TSC22D1: variants seen among roughly 807,000 people sequenced by gnomAD.
TSC22D1 encodes TSC22 domain family protein 1.
TSC22D1 carries 9 observed loss-of-function variants against 74.2 expected under a neutral mutation model. That is an observed-to-expected ratio of 0.12 (90% CI 0.07 to 0.21). The LOEUF (loss-of-function observed/expected upper bound fraction) is 0.21. Ranked by LOEUF, TSC22D1 falls within the 10% of genes least tolerant of loss-of-function variation. The pLI is 1.00. For synonymous variants in TSC22D1, 586 were observed against 492.5 expected (o/e 1.19, Z -2.51); for missense variants, 1,427 against 1,304.7 (o/e 1.09, Z -1.44).
intron 1 of TSC22D1, chr13:44,437,092 G>T: frequency 1.0e-6 from 1 of 976,660 alleles, no homozygotes; most frequent in Non-Finnish European, 1.2e-6. Flanking sequence ...TTTCCACGGC[G>T]GCCTCAAAAC....
chr13:44,527,874 A>G (rs1365523654), intron 1 of TSC22D1, among the ~76,000 whole-genome samples: 1 of 152,144 alleles, frequency 6.6e-6, no homozygotes, highest in East Asian at 1.9e-4. Flanking sequence ...TGCTATGCTA[A>G]CACTAATCAA....
At chr13:44,439,582 ATAC>A (rs1875022684) in intron 1 of TSC22D1, among the ~76,000 whole-genome samples, 1 of 152,252 alleles carries the variant, frequency 6.6e-6, no homozygotes, top group African/African-American at 2.4e-5. Context: ...GCAGAGAAAA[ATAC>A]TACAAGGCTT....
intron 1 of TSC22D1, among the ~76,000 whole-genome samples, chr13:44,462,276 G>T (rs925670294): frequency 1.9e-4 from 29 of 152,134 alleles, no homozygotes; most frequent in African/African-American, 7.0e-4. Context: ...ACCTTGTTTT[G>T]TTCAAGTTAC....
At chr13:44,532,063 G>A (rs60157962) in intron 1 of TSC22D1, among the ~76,000 whole-genome samples, 16,306 of 152,110 alleles carry the variant, frequency 0.11, 946 homozygotes, top group Non-Finnish European at 0.12. Flanking sequence ...AACATTTTAT[G>A]TTTACACAAT....
intron 1 of TSC22D1, among the ~76,000 whole-genome samples, chr13:44,465,511 T>C (rs952259509): frequency 6.6e-6 from 1 of 152,136 alleles, no homozygotes; most frequent in African/African-American, 2.4e-5. Context: ...ACTGTACTCA[T>C]CTTGTGTGAG....
intron 1 of TSC22D1, among the ~76,000 whole-genome samples, chr13:44,460,487 G>C (rs1876940523): frequency 1.3e-5 from 2 of 151,872 alleles, no homozygotes; most frequent in South Asian, 2.1e-4. Flanking sequence ...TGATGAATTA[G>C]TTCAGAGGGT....
At position 44,433,258 on chromosome 13, in the gene TSC22D1, C is replaced by G. The variant is rs1262108264; in HGVS notation, c.*1368G>C. ...TGTAAGAGATCATCTCTTTCAAACCCCTACATCCGTCCAGGAGTGAAGCAA... is the reference window on the plus strand; with the variant it reads ...TGTAAGAGATCATCTCTTTCAAACCGCTACATCCGTCCAGGAGTGAAGCAA... On this transcript the variant is annotated 3_prime_UTR_variant, in exon 3 of 3. Coordinates refer to ENST00000458659, the MANE Select transcript of TSC22D1 (RefSeq NM_183422.4). 3.3e-5 allele frequency: 5 copies of G among 152,208 alleles called. No individual in the cohort carries two copies. The highest frequency in any genetic ancestry group is 5.9e-5 in the Non-Finnish European group (4 of 68,058). The allele number at this position is 152,208 out of a possible 1,614,324, so 9.4% of individuals were successfully genotyped here.
At chr13:44,437,107 G>A in intron 1 of TSC22D1, 1 of 981,294 alleles carries the variant, frequency 1.0e-6, no homozygotes, top group African/African-American at 1.7e-5. Context: ...CAAAACACTG[G>A]GCCATTGCTT....
chr13:44,509,729 A>G (rs1405244727), intron 1 of TSC22D1, among the ~76,000 whole-genome samples: 4 of 152,088 alleles, frequency 2.6e-5, no homozygotes, highest in Non-Finnish European at 4.4e-5. Flanking sequence ...GGAAAGTTTC[A>G]ACAGATCTGT....
intron 1 of TSC22D1, among the ~76,000 whole-genome samples, chr13:44,527,737 AAC>A (rs1383140480): frequency 2.0e-5 from 3 of 152,136 alleles, no homozygotes; most frequent in African/African-American, 7.2e-5. Flanking sequence ...CACCAATTAA[AAC>A]ACAGAGACTT....
intron 1 of TSC22D1, among the ~76,000 whole-genome samples, chr13:44,511,291 A>G: frequency 6.6e-6 from 1 of 152,154 alleles, no homozygotes; most frequent in South Asian, 2.1e-4. Context: ...TTCAAAAAAA[A>G]ACCAAAAAAA....
chr13:44,557,795 T>C (rs138574454), intron 1 of TSC22D1, among the ~76,000 whole-genome samples: 40 of 152,322 alleles, frequency 2.6e-4, no homozygotes, highest in African/African-American at 8.9e-4. Context: ...CAACAGCTTA[T>C]AGAATCTGAG....
At chr13:44,439,254 G>A (rs903050564) in intron 1 of TSC22D1, among the ~76,000 whole-genome samples, 12 of 152,338 alleles carry the variant, frequency 7.9e-5, no homozygotes, top group Admixed American at 6.5e-4. Context: ...GAACATGTAT[G>A]TGTGTGTGCA....
intron 1 of TSC22D1, among the ~76,000 whole-genome samples, chr13:44,569,112 A>C (rs1883574485): frequency 6.6e-6 from 1 of 152,214 alleles, no homozygotes; most frequent in Admixed American, 6.5e-5. Context: ...TGTGAGTTAG[A>C]CAAAGTTCTA....
chr13:44,456,263 C>G (rs1876635802), intron 1 of TSC22D1, among the ~76,000 whole-genome samples: 1 of 152,214 alleles, frequency 6.6e-6, no homozygotes. Flanking sequence ...CGGGTTGCTG[C>G]TGCTGGCTGG....
rs1217919701 is a variant in TSC22D1 at position 44,434,460 on chromosome 13, C to A, written c.*166G>T. ...CTAAGAAATTTCTCCAAGCCATAAGCATATGAGTGTTTAATACTGGAAAAG... is the reference window on the plus strand; with the variant it reads ...CTAAGAAATTTCTCCAAGCCATAAGAATATGAGTGTTTAATACTGGAAAAG... On this transcript the variant is annotated 3_prime_UTR_variant, in exon 3 of 3. Transcript: ENST00000458659. 2.2e-6 allele frequency: 3 copies of A among 1,381,532 alleles called. No individual in the cohort carries two copies. The East Asian group carries it at 8.3e-5, about 38-fold the overall frequency. The allele number at this position is 1,381,532 out of a possible 1,614,324, so 85.6% of individuals were successfully genotyped here.
intron 1 of TSC22D1, among the ~76,000 whole-genome samples, chr13:44,442,906 G>A (rs1696585241): frequency 1.1e-5 from 1 of 87,168 alleles, no homozygotes; most frequent in Admixed American, 1.7e-4. Flanking sequence ...CACAGAGCGA[G>A]ACTCTGTCAA....
chr13:44,434,128 T>C lies in TSC22D1; in HGVS notation c.*498A>G. 6.7e-7 allele frequency: 1 copy of C among 1,500,882 alleles called. No individual in the cohort carries two copies. Among genetic ancestry groups the C allele is most frequent in the East Asian group, 2.5e-5 (1 of 39,524 alleles). 93.0% of individuals were successfully genotyped at this position (1,500,882 alleles called of 1,614,324 possible). On this transcript the variant is annotated 3_prime_UTR_variant, in exon 3 of 3. Transcript: ENST00000458659. ...TTTTTATGAATTTTGGTGACAGTTGTCAAATTTGTACAGTGAACTCTGTTC... is the reference window on the plus strand; with the variant it reads ...TTTTTATGAATTTTGGTGACAGTTGCCAAATTTGTACAGTGAACTCTGTTC...
At chr13:44,518,929 A>G (rs1012133860) in intron 1 of TSC22D1, among the ~76,000 whole-genome samples, 29 of 152,196 alleles carry the variant, frequency 1.9e-4, no homozygotes, top group Non-Finnish European at 2.4e-4. Flanking sequence ...ATCCAAATTA[A>G]TTAAAACTAT....
Sources: gnomAD v4.1 joint callset for allele counts (sites outside exome capture counted in the v4.1 genomes callset) on GRCh38, gnomAD v4.1.1 for gene constraint, MANE v1.5 for transcripts, NCBI Gene and HGNC (gene_info 2026-07-23, HGNC 2026-07-21) for gene names.